The following GHRHR variants were observed in gnomAD, a reference collection of about 807,000 sequenced individuals.
The protein encoded by GHRHR is growth hormone releasing hormone receptor.
In GHRHR, 40 loss-of-function variants were observed where a neutral mutation model predicts 58.3. The ratio of observed to expected loss-of-function variants is 0.69; its 90% CI spans 0.53 to 0.89. The LOEUF is 0.89. GHRHR is among the 40% of genes least tolerant of loss of function. GHRHR has a pLI of 0.00. For synonymous variants in GHRHR, 249 were observed against 216.6 expected (o/e 1.15, Z -1.31); for missense variants, 551 against 541.3 (o/e 1.02, Z -0.18).
chr7:30,975,415 C>T (rs1792557240), intron 9 of GHRHR, among the ~76,000 whole-genome samples: 1 of 152,230 alleles, frequency 6.6e-6, no homozygotes, highest in Admixed American at 6.5e-5. Flanking sequence ...GTGAAGACTG[C>T]TTTGCATGGC....
chr7:30,967,652 C>T (rs1792384753), intron 1 of GHRHR, among the ~76,000 whole-genome samples: 1 of 151,594 alleles, frequency 6.6e-6, no homozygotes, highest in Non-Finnish European at 1.5e-5. Context: ...TGTCTGTATA[C>T]TCATCCATTC....
intron 4 of GHRHR, 88 bp downstream of exon 4, chr7:30,970,052 C>G: frequency 1.3e-6 from 1 of 779,934 alleles, no homozygotes; most frequent in Non-Finnish European, 2.4e-6. Context: ...CATTCTCTAG[C>G]CTGCAGATTG....
chr7:30,968,795 C>A (rs1469912113), intron 1 of GHRHR, 39 bp from the exon 2 acceptor site: 2 of 1,422,450 alleles, frequency 1.4e-6, no homozygotes, highest in South Asian at 1.2e-5. Context: ...AGAAAGACAC[C>A]CAAATGGCTT....
intron 12 of GHRHR, among the ~76,000 whole-genome samples, chr7:30,978,248 C>T (rs1370309406): frequency 6.6e-6 from 1 of 152,198 alleles, no homozygotes; most frequent in Admixed American, 6.5e-5. Context: ...GCAGCCTTAT[C>T]TGGTGTCTGG....
intron 3 of GHRHR, chr7:30,969,614 C>G (rs1792438620): frequency 1.6e-6 from 1 of 609,578 alleles, no homozygotes; most frequent in Admixed American, 2.9e-5. Context: ...CCCAGCTCAC[C>G]ACTCCTCACC....
At chr7:30,967,252 G>C (rs1350102624) in intron 1 of GHRHR, among the ~76,000 whole-genome samples, 1 of 152,158 alleles carries the variant, frequency 6.6e-6, no homozygotes. Flanking sequence ...TTCACTTCCA[G>C]TTTCCTGGAG....
At chr7:30,976,088 G>A in intron 10 of GHRHR, 1 of 592,324 alleles carries the variant, frequency 1.7e-6, no homozygotes. Flanking sequence ...AGAACGATGA[G>A]TGCTGGGATC....
intron 11 of GHRHR, among the ~76,000 whole-genome samples, chr7:30,976,875 C>T (rs1423925140): frequency 7.1e-6 from 1 of 141,750 alleles, no homozygotes; most frequent in African/African-American, 2.6e-5. Context: ...TACCCACCCA[C>T]CCATCCACCC....
chr7:30,973,892 C>T, intron 6 of GHRHR, 93 bp from the exon 7 acceptor site: 1 of 1,275,740 alleles, frequency 7.8e-7, no homozygotes, highest in South Asian at 1.2e-5. Flanking sequence ...CATGGAGGGG[C>T]CTGGAGGTTC....
intron 11 of GHRHR, 80 bp downstream of exon 11, chr7:30,976,638 T>C: frequency 8.1e-7 from 1 of 1,232,980 alleles, no homozygotes; most frequent in East Asian, 2.4e-5. Flanking sequence ...CTTGGCTGAG[T>C]TCATGACAGG....
At chr7:30,969,426 G>A (rs1040270484) in intron 3 of GHRHR, 9 of 597,048 alleles carry the variant, frequency 1.5e-5, no homozygotes, top group Non-Finnish European at 2.4e-5. Flanking sequence ...CCCTCCAGGT[G>A]TTAGCAGAAG....
In GHRHR at chr7:30,968,916, A is replaced by T; in HGVS notation, c.140A>T (p.Glu47Val). 1 of 1,613,134 alleles carries T rather than the reference A, an allele frequency of 6.2e-7. No homozygotes were observed. Among genetic ancestry groups the T allele is most frequent in the African/African-American group, 1.3e-5 (1 of 74,972 alleles). ...DESACLQAAE[E>V]MPNTTLGCPA... is the part of the protein sequence containing the mutation. ...AGTGCCTGTCTACAAGCAGCAGAGGAGATGCCCAACACCACCCTGGGTATG... is the reference window on the plus strand; with the variant it reads ...AGTGCCTGTCTACAAGCAGCAGAGGTGATGCCCAACACCACCCTGGGTATG... Residue 47 changes from glutamate (E) to valine (V), a missense_variant, in exon 2 of 13, where the codon GAG becomes GTG. Transcript: ENST00000326139.
chr7:30,968,197 G>A (rs983168193), intron 1 of GHRHR, among the ~76,000 whole-genome samples: 9 of 152,146 alleles, frequency 5.9e-5, no homozygotes, highest in South Asian at 2.1e-4. Context: ...TCCTTTTGCC[G>A]TTTAAGGTAA....
chr7:30,976,552 C>A lies in GHRHR; in HGVS notation c.1098C>A (p.Ser366=). 3 of 1,613,310 alleles carry A rather than the reference C, an allele frequency of 1.9e-6. No homozygotes were observed. Among genetic ancestry groups the A allele is most frequent in the Non-Finnish European group, 8.5e-7 (1 of 1,179,632 alleles). ...TCCCCCTGGAGCTGGGACTGGGTTC[C>A]TTCCAGGTGAGGGCCCCCACAGGCA... ...IRLPLELGLG[S]FQGFIVAILY... is the part of the protein sequence containing the mutation. Residue 366 remains serine, a synonymous_variant, in exon 11 of 13, where the codon TCC becomes TCA. Transcript: ENST00000326139.
At position 30,979,431 on chromosome 7, in the gene GHRHR, C is replaced by T. The variant is rs2128599266; in HGVS notation, c.*187C>T. 1.6e-6 allele frequency: 1 copy of T among 610,614 alleles called. No homozygotes were observed. The allele number at this position is 610,614 out of a possible 1,614,324, so 37.8% of individuals were successfully genotyped here. A position where few individuals can be genotyped will look rare whatever the true frequency, so the allele number is the denominator to read the frequency against. On this transcript the variant is annotated 3_prime_UTR_variant, in exon 13 of 13. Coordinates refer to ENST00000326139, the MANE Select transcript of GHRHR (RefSeq NM_000823.4). ...GAGGTCCCTGTATGTCTACCTCTGA[C>T]TTCTGTGGTCCCTCTGTGTCTGCTC...
At position 30,979,296 on chromosome 7, in the gene GHRHR, G is replaced by A. The variant is rs781726148; in HGVS notation, c.*52G>A. ...ACACTTGAATTTGGGCAGCTACCACGGGTCTGCCATGCTCTGGAGGAGCAA... is the reference window on the plus strand; with the variant it reads ...ACACTTGAATTTGGGCAGCTACCACAGGTCTGCCATGCTCTGGAGGAGCAA... On this transcript the variant is annotated 3_prime_UTR_variant, in exon 13 of 13. Coordinates refer to ENST00000326139, the MANE Select transcript of GHRHR (RefSeq NM_000823.4). 21 of 1,594,082 alleles carry A rather than the reference G, an allele frequency of 1.3e-5. No individual in the cohort carries two copies. Among genetic ancestry groups the A allele is most frequent in the African/African-American group, 1.1e-4 (8 of 74,506 alleles).
intron 1 of GHRHR, among the ~76,000 whole-genome samples, chr7:30,966,712 A>C (rs1434937951): frequency 6.6e-6 from 1 of 151,778 alleles, no homozygotes; most frequent in East Asian, 1.9e-4. Context: ...GCACAATCTC[A>C]GCTCACTGTA....
intron 4 of GHRHR, among the ~76,000 whole-genome samples, chr7:30,970,559 T>G (rs771502327): frequency 2.0e-4 from 30 of 152,316 alleles, no homozygotes; most frequent in Non-Finnish European, 2.5e-4. Context: ...AGGAAGTGAT[T>G]GCCTGGACCC....
chr7:30,974,378 A>G (rs1194030110), intron 7 of GHRHR, 51 bp from the exon 8 acceptor site: 1 of 1,358,540 alleles, frequency 7.4e-7, no homozygotes, highest in South Asian at 1.2e-5. Flanking sequence ...GCCAGATCTC[A>G]GAGTCAAGGA....
Sources: allele counts gnomAD v4.1 joint callset (sites outside exome capture counted in the v4.1 genomes callset), GRCh38; gene constraint gnomAD v4.1.1; transcripts MANE v1.5; gene names NCBI Gene and HGNC (gene_info 2026-07-23, HGNC 2026-07-21).